Variants in EPB41L4A observed in about 807,000 individuals in gnomAD.
EPB41L4A encodes erythrocyte membrane protein band 4.1 like 4A.
A neutral mutation model predicts 108.6 loss-of-function variants in EPB41L4A; 100 were observed. The observed-to-expected ratio is 0.92, with a 90% CI of 0.78 to 1.09. EPB41L4A has a LOEUF of 1.09. Ranked by LOEUF, EPB41L4A falls within the 50% of genes least tolerant of loss-of-function variation. EPB41L4A has a pLI of 0.00. For synonymous variants in EPB41L4A, 319 were observed against 289.0 expected (o/e 1.10, Z -1.05); for missense variants, 1,030 against 842.7 (o/e 1.22, Z -2.75).
At chr5:112,247,101 T>G (rs1189886250) in intron 9 of EPB41L4A, among the ~76,000 whole-genome samples, 1 of 152,170 alleles carries the variant, frequency 6.6e-6, no homozygotes, top group Non-Finnish European at 1.5e-5. Flanking sequence ...CCTAACGACT[T>G]GTTTCTCAGA....
chr5:112,284,955 C>T (rs1490024622), intron 2 of EPB41L4A, among the ~76,000 whole-genome samples: 1 of 152,176 alleles, frequency 6.6e-6, no homozygotes, highest in Non-Finnish European at 1.5e-5. Context: ...GGTTCTGAAA[C>T]TCTAATAGTG....
intron 12 of EPB41L4A, among the ~76,000 whole-genome samples, chr5:112,156,048 T>C (rs992867836): frequency 4.6e-5 from 7 of 152,304 alleles, no homozygotes; most frequent in African/African-American, 1.7e-4. Context: ...ACAAGTTTTG[T>C]TTCTTCCAGA....
At chr5:112,215,219 T>C (rs1357150904) in intron 12 of EPB41L4A, among the ~76,000 whole-genome samples, 5 of 152,228 alleles carry the variant, frequency 3.3e-5, no homozygotes, top group African/African-American at 1.2e-4. Context: ...CAAAAGGACA[T>C]GCGGCAATAT....
chr5:112,208,805 T>C (rs55819244), intron 13 of EPB41L4A, among the ~76,000 whole-genome samples: 5,420 of 152,322 alleles, frequency 0.036, 156 homozygotes, highest in Non-Finnish European at 0.056. Flanking sequence ...CTGAATCTCA[T>C]GGAAGATTCC....
intron 1 of EPB41L4A, among the ~76,000 whole-genome samples, chr5:112,373,844 G>T (rs1051032533): frequency 6.6e-6 from 1 of 152,238 alleles, no homozygotes; most frequent in Non-Finnish European, 1.5e-5. Flanking sequence ...TTTTAATGGA[G>T]AAATGTTCAA....
At chr5:112,403,786 C>T (rs1419701240) in intron 1 of EPB41L4A, among the ~76,000 whole-genome samples, 1 of 152,122 alleles carries the variant, frequency 6.6e-6, no homozygotes, top group Non-Finnish European at 1.5e-5. Context: ...ATTTTTGAAA[C>T]ACATCTCCAT....
At chr5:112,344,352 T>C (rs1396323181) in intron 1 of EPB41L4A, among the ~76,000 whole-genome samples, 3 of 152,142 alleles carry the variant, frequency 2.0e-5, no homozygotes, top group African/African-American at 4.8e-5. Context: ...ACACACTTAC[T>C]AGAACATTAA....
At position 112,339,482 on chromosome 5, in the gene EPB41L4A, A is replaced by ATATC. The variant is rs1561584961; in HGVS notation, c.100-31993_100-31992insGATA. Among the ~76,000 whole-genome samples the ATATC allele has an allele frequency of 7.0e-3, 269 of 38,590 alleles. 3 individuals are homozygous for ATATC. Among genetic ancestry groups the ATATC allele is most frequent in the African/African-American group, 0.026 (248 of 9,690 alleles). 25.3% of individuals were successfully genotyped at this position (38,590 alleles called of 152,430 possible). On this transcript the variant is annotated intron_variant, in intron 1 of 22. Transcript: ENST00000261486. ...TATAGATATATATATATCTATATATATATATATATATATCTATATATATAT... is the reference window on the plus strand; with the variant it reads ...TATAGATATATATATATCTATATATATATCTATATATATATATCTATATATATAT...
chr5:112,375,313 T>TCTCTCTCTCA (rs1554106193), intron 1 of EPB41L4A, among the ~76,000 whole-genome samples: 3 of 148,378 alleles, frequency 2.0e-5, no homozygotes, highest in African/African-American at 7.7e-5. Context: ...GGTCAGTCTC[T>TCTCTCTCTCA]CTCTCTCTCG....
chr5:112,356,024 C>T (rs1437942244), intron 1 of EPB41L4A, among the ~76,000 whole-genome samples: 1 of 152,108 alleles, frequency 6.6e-6, no homozygotes, highest in Non-Finnish European at 1.5e-5. Flanking sequence ...AAATACACTC[C>T]ACTTGGGTAG....
chr5:112,330,109 G>A (rs1157903630), intron 1 of EPB41L4A, among the ~76,000 whole-genome samples: 11 of 151,670 alleles, frequency 7.3e-5, no homozygotes, highest in African/African-American at 1.9e-4. Context: ...TAGCAAGAAC[G>A]GCTTGCTACC....
intron 1 of EPB41L4A, among the ~76,000 whole-genome samples, chr5:112,400,352 T>C (rs1402208424): frequency 6.6e-6 from 1 of 151,880 alleles, no homozygotes; most frequent in Non-Finnish European, 1.5e-5. Flanking sequence ...GAGATTTGCG[T>C]AGGGACACAG....
rs774056195 is a variant in EPB41L4A at position 112,204,368 on chromosome 5, C to T, written c.1376+7G>A. 9.2e-5 allele frequency: 146 copies of T among 1,593,734 alleles called. 1 individual carries two copies. Among genetic ancestry groups the T allele is most frequent in the South Asian group, 1.2e-4 (11 of 90,566 alleles). ...AGCTGCTAACAGAGAGATTGTGTTC[C>T]GCTTACCTCCTCCTCACAGGCTGTA... is the stretch of plus-strand genomic sequence containing the variant. On this transcript the variant is annotated splice_region_variant and intron_variant, in intron 15 of 22. Coordinates refer to ENST00000261486, the MANE Select transcript of EPB41L4A (RefSeq NM_022140.5).
At chr5:112,235,540 A>C (rs115200392) in intron 11 of EPB41L4A, among the ~76,000 whole-genome samples, 45 of 152,318 alleles carry the variant, frequency 3.0e-4, no homozygotes, top group Non-Finnish European at 5.3e-4. Context: ...TTGATTCACC[A>C]CAAGTACAGC....
At chr5:112,244,377 G>A (rs1296456449) in intron 9 of EPB41L4A, among the ~76,000 whole-genome samples, 4 of 152,112 alleles carry the variant, frequency 2.6e-5, no homozygotes, top group African/African-American at 9.7e-5. Flanking sequence ...CACTGTCTGG[G>A]GTATATACCT....
intron 1 of EPB41L4A, among the ~76,000 whole-genome samples, chr5:112,375,328 C>CACACACAT (rs1215822697): frequency 6.7e-6 from 1 of 150,166 alleles, no homozygotes; most frequent in Non-Finnish European, 1.5e-5. Flanking sequence ...CTCTCGCACA[C>CACACACAT]ACACACATAC....
At chr5:112,380,915 T>A (rs1224702161) in intron 1 of EPB41L4A, among the ~76,000 whole-genome samples, 2 of 151,928 alleles carry the variant, frequency 1.3e-5, no homozygotes, top group African/African-American at 4.8e-5. Context: ...ACCAGACCAT[T>A]CTTACATTCC....
intron 12 of EPB41L4A, among the ~76,000 whole-genome samples, chr5:112,155,351 C>T (rs1759611209): frequency 6.6e-6 from 1 of 151,166 alleles, no homozygotes; most frequent in African/African-American, 2.4e-5. Context: ...AAACTCAATG[C>T]AACATTTTTA....
At chr5:112,358,103 C>G (rs1285839493) in intron 1 of EPB41L4A, among the ~76,000 whole-genome samples, 1 of 152,242 alleles carries the variant, frequency 6.6e-6, no homozygotes, top group Non-Finnish European at 1.5e-5. Context: ...GATCTCCCAA[C>G]AGCAGAAGCC....
Sources: allele counts gnomAD v4.1 joint callset (sites outside exome capture counted in the v4.1 genomes callset), GRCh38; gene constraint gnomAD v4.1.1; transcripts MANE v1.5; gene names NCBI Gene and HGNC (gene_info 2026-07-23, HGNC 2026-07-21).